Variants in ZMYND8 observed in about 807,000 individuals in gnomAD.
The protein encoded by ZMYND8 is zinc finger MYND-type containing 8, also known as MYND-type zinc finger-containing chromatin reader ZMYND8.
Under a neutral mutation model 140.8 loss-of-function variants are expected in ZMYND8, and 37 were observed. The observed-to-expected ratio is 0.26, with a 90% CI of 0.20 to 0.35. ZMYND8 has a LOEUF of 0.35. Among genes scored for constraint, ZMYND8 ranks in the 10% least tolerant of loss-of-function variants. The probability of loss-of-function intolerance (pLI) is 1.00; values close to 1 mark genes in which losing one functional copy is unlikely to be tolerated. For synonymous variants in ZMYND8, 592 were observed against 597.1 expected, an observed-to-expected ratio of 0.99 and a Z score of 0.12; for missense variants, 1,068 against 1,570.0, an observed-to-expected ratio of 0.68 and a Z score of 5.40.
chr20:47,262,341 G>A lies in ZMYND8; in HGVS notation c.1568C>T (p.Thr523Met), dbSNP rs143023321. The A allele has an allele frequency of 5.5e-5, 88 of 1,613,960 alleles. No individual in the cohort carries two copies. The African/African-American group carries it at 5.5e-4, about 10-fold the overall frequency. The change falls in exon 12 of 23, where the codon ACG (threonine) becomes ATG (methionine). Residue 523 changes from threonine (T) to methionine (M), a missense_variant. Physicochemically the swap from Thr to Met is moderately conservative, Grantham distance 81. Around this residue, in one of 10 missense-constraint regions of ZMYND8, gnomAD observed 173 missense variants for 223.3 expected, o/e 0.77. Coordinates refer to ENST00000471951, the MANE Select transcript of ZMYND8 (RefSeq NM_001281775.3). ...GGTGGAGGTTTTGTCCGTTTTCGTC[G>A]TGATAGGAGCTGACAGTTGAGGAGA... The part of the protein sequence containing the change: ...PFSPQLSAPI[T>M]TKTDKTSTTG...
intron 17 of ZMYND8, among the ~76,000 whole-genome samples, chr20:47,228,482 G>C (rs1340222293): frequency 6.6e-6 from 1 of 152,184 alleles, no homozygotes; most frequent in Non-Finnish European, 1.5e-5. Flanking sequence ...GAGATATTAT[G>C]AACCTGTATT....
chr20:47,257,519 C>T (rs2074834408), intron 12 of ZMYND8, among the ~76,000 whole-genome samples: 2 of 151,834 alleles, frequency 1.3e-5, no homozygotes, highest in South Asian at 4.2e-4. Flanking sequence ...CACACACATA[C>T]ATATACTCAC....
At chr20:47,316,530 C>T (rs2079410222) in intron 2 of ZMYND8, among the ~76,000 whole-genome samples, 1 of 151,964 alleles carries the variant, frequency 6.6e-6, no homozygotes, top group African/African-American at 2.4e-5. Flanking sequence ...TGGTGGCTCA[C>T]ACCCATAATC....
At chr20:47,213,786 T>C (rs1398408551) in intron 21 of ZMYND8, among the ~76,000 whole-genome samples, 4 of 152,180 alleles carry the variant, frequency 2.6e-5, no homozygotes, top group Non-Finnish European at 5.9e-5. Context: ...AGAGTAACTC[T>C]CATCTTTTAA....
At chr20:47,239,228 A>G in intron 14 of ZMYND8, 90 bp from the exon 15 acceptor site, 1 of 1,419,188 alleles carries the variant, frequency 7.0e-7, no homozygotes, top group Non-Finnish European at 9.2e-7. Flanking sequence ...TCTGGGTAAA[A>G]CCTATGAAAG....
chr20:47,228,091 CA>C (rs11295350), intron 17 of ZMYND8, among the ~76,000 whole-genome samples: 4,146 of 111,922 alleles, frequency 0.037, 136 homozygotes, highest in African/African-American at 0.1. Flanking sequence ...AGACTCTTCT[CA>C]AAAAAAAAAA....
chr20:47,319,149 G>A (rs1472489902), intron 2 of ZMYND8: 11 of 760,138 alleles, frequency 1.4e-5, no homozygotes, highest in East Asian at 6.4e-5. Flanking sequence ...TAGGTCGCCC[G>A]GCGGGGCAAG....
intron 11 of ZMYND8, among the ~76,000 whole-genome samples, chr20:47,269,689 GA>G (rs895550408): frequency 6.6e-6 from 1 of 152,148 alleles, no homozygotes; most frequent in Non-Finnish European, 1.5e-5. Context: ...ATTAAATTAG[GA>G]AAAAAATGCC....
At chr20:47,279,213 T>A (rs1227103716) in intron 10 of ZMYND8, among the ~76,000 whole-genome samples, 1 of 152,148 alleles carries the variant, frequency 6.6e-6, no homozygotes, top group Non-Finnish European at 1.5e-5. Flanking sequence ...CTCACACCTA[T>A]AATCCCAGCA....
At chr20:47,231,657 G>A (rs889587629) in intron 16 of ZMYND8, among the ~76,000 whole-genome samples, 3 of 152,146 alleles carry the variant, frequency 2.0e-5, no homozygotes, top group South Asian at 2.1e-4. Flanking sequence ...TGAGATTTCC[G>A]CTCCCGGCTT....
At chr20:47,314,954 G>A (rs1411572529) in intron 2 of ZMYND8, among the ~76,000 whole-genome samples, 5 of 152,170 alleles carry the variant, frequency 3.3e-5, no homozygotes, top group Non-Finnish European at 5.9e-5. Flanking sequence ...CCTTGAACAG[G>A]CCATCACTGT....
intron 2 of ZMYND8, among the ~76,000 whole-genome samples, chr20:47,338,505 T>G (rs1399920949): frequency 6.6e-6 from 1 of 151,930 alleles, no homozygotes; most frequent in East Asian, 1.9e-4. Flanking sequence ...GAACAAGAGA[T>G]AAGGCTTCAT....
At chr20:47,241,887 G>C (rs555134353) in intron 14 of ZMYND8, among the ~76,000 whole-genome samples, 1 of 148,418 alleles carries the variant, frequency 6.7e-6, no homozygotes, top group Non-Finnish European at 1.5e-5. Flanking sequence ...GCGCGATCTC[G>C]GCTCACTGCA....
Position 47,309,309 on chromosome 20 carries a change from AT to A in ZMYND8, c.234+746del, listed in dbSNP as rs530489567. Among the ~76,000 whole-genome samples the A allele has an allele frequency of 1.8e-3, 261 of 142,700 alleles. 1 individual carries two copies. The highest frequency in any genetic ancestry group is 2.0e-3 in the Non-Finnish European group (130 of 65,016). 93.6% of individuals were successfully genotyped at this position (142,700 alleles called of 152,430 possible). On this transcript the variant is annotated intron_variant, in intron 3 of 22. Transcript: ENST00000471951. ...TCTTACCAAAGAACCTAAACCCTTC[AT>A]TTTTTTTTTTTTCTGAGATAGAGTC...
intron 2 of ZMYND8, among the ~76,000 whole-genome samples, chr20:47,341,726 G>A (rs540787967): frequency 1.9e-4 from 29 of 151,668 alleles, no homozygotes; most frequent in Admixed American, 9.9e-4. Flanking sequence ...AAACTTGGCC[G>A]GGCGCGGTGG....
intron 3 of ZMYND8, among the ~76,000 whole-genome samples, chr20:47,307,756 G>A (rs577077380): frequency 1.3e-5 from 2 of 152,118 alleles, no homozygotes; most frequent in Admixed American, 1.3e-4. Flanking sequence ...GAACCTGGGA[G>A]GCAAAGGTTG....
At chr20:47,227,144 G>A (rs1014995818) in intron 18 of ZMYND8, 59 bp downstream of exon 18, 6 of 1,560,098 alleles carry the variant, frequency 3.8e-6, no homozygotes, top group Non-Finnish European at 5.3e-6. Flanking sequence ...GACTCCAGAG[G>A]TGCAAAGAAG....
chr20:47,253,259 G>A (rs761534666), intron 12 of ZMYND8, among the ~76,000 whole-genome samples: 3 of 152,138 alleles, frequency 2.0e-5, no homozygotes, highest in South Asian at 2.1e-4. Context: ...CCAGGAGGTC[G>A]AGCGCAGTGG....
At chr20:47,245,595 G>A (rs2040473092) in intron 14 of ZMYND8, among the ~76,000 whole-genome samples, 1 of 152,216 alleles carries the variant, frequency 6.6e-6, no homozygotes, top group Non-Finnish European at 1.5e-5. Flanking sequence ...AGAATGAGAT[G>A]TCTGTGGAAT....
Sources: allele counts gnomAD v4.1 joint callset (sites outside exome capture counted in the v4.1 genomes callset), GRCh38; gene constraint gnomAD v4.1.1; regional missense constraint gnomAD v4.1.1; transcripts MANE v1.5; gene names NCBI Gene and HGNC (gene_info 2026-07-23, HGNC 2026-07-21).